The following LARGE1 variants were observed in gnomAD, a reference collection of about 807,000 sequenced individuals.
LARGE1 encodes the protein LARGE xylosyl- and glucuronyltransferase 1, also known as xylosyl- and glucuronyltransferase LARGE1.
In LARGE1, 43 loss-of-function variants were observed where a neutral mutation model predicts 87.6. The observed-to-expected ratio is 0.49, with a 90% confidence interval of 0.38 to 0.63. The LOEUF is 0.63. Ranked by LOEUF, LARGE1 falls within the 30% of genes least tolerant of loss-of-function variation. The probability of loss-of-function intolerance (pLI) is 0.00; values close to 1 mark genes in which losing one functional copy is unlikely to be tolerated. For synonymous variants in LARGE1, 434 were observed against 394.6 expected (o/e 1.10, Z -1.18); for missense variants, 802 against 1,000.2 (o/e 0.80, Z 2.67).
At chr22:33,780,911 G>A (rs764526059) in intron 1 of LARGE1, among the ~76,000 whole-genome samples, 1 of 152,198 alleles carries the variant, frequency 6.6e-6, no homozygotes, top group Non-Finnish European at 1.5e-5. Context: ...GTAGCACATA[G>A]AGTAAACACT....
intron 8 of LARGE1, 40 bp from the exon 9 acceptor site, chr22:33,382,084 A>T: frequency 6.2e-7 from 1 of 1,612,984 alleles, no homozygotes; most frequent in Non-Finnish European, 8.5e-7. Flanking sequence ...AGACAGTCGG[A>T]TGGTCCAGCT....
At chr22:33,100,883 A>G in the LARGE1 span, among the ~76,000 whole-genome samples, 1 of 146,770 alleles carries the variant, frequency 6.8e-6, no homozygotes, top group Non-Finnish European at 1.5e-5. Context: ...CTTGTTGCCC[A>G]GGCTGGAGTG....
chr22:33,320,462 G>T (rs974351538), intron 10 of LARGE1, among the ~76,000 whole-genome samples: 4 of 152,154 alleles, frequency 2.6e-5, no homozygotes, highest in Non-Finnish European at 4.4e-5. Context: ...CACTCAGTTC[G>T]TAACTCCATT....
chr22:33,774,526 T>C (rs1385703269), intron 1 of LARGE1, among the ~76,000 whole-genome samples: 1 of 150,984 alleles, frequency 6.6e-6, no homozygotes, highest in Non-Finnish European at 1.5e-5. Context: ...CCAGCTAATT[T>C]TTGTATTTTT....
chr22:33,869,153 C>G (rs1181675253), intron 1 of LARGE1, among the ~76,000 whole-genome samples: 1 of 152,156 alleles, frequency 6.6e-6, no homozygotes, highest in Non-Finnish European at 1.5e-5. Flanking sequence ...CTGGCCCTCT[C>G]TTACCCTTGG....
At chr22:33,360,244 T>C (rs1225833890) in intron 9 of LARGE1, among the ~76,000 whole-genome samples, 1 of 148,186 alleles carries the variant, frequency 6.7e-6, no homozygotes, top group Non-Finnish European at 1.5e-5. Flanking sequence ...ACCTGGGAGG[T>C]GGAGGTTGCA....
At position 33,382,013 on chromosome 22, in the gene LARGE1, G is replaced by T. The variant is rs981996548; in HGVS notation, c.1037C>A (p.Pro346His). The T allele has an allele frequency of 6.2e-7, 1 of 1,614,146 alleles. No individual in the cohort carries two copies. The highest frequency in any genetic ancestry group is 8.5e-7 in the Non-Finnish European group (1 of 1,180,014). ...GCAGGGGAGCTGGTACACAAGGAAGGGGTTTTGTTTGATGACGGCATTGAA... is the reference window on the plus strand; with the variant it reads ...GCAGGGGAGCTGGTACACAAGGAAGTGGTTTTGTTTGATGACGGCATTGAA... Reference protein sequence around the residue: ...DIFNAVIKQNPFLVYQLPCFW... With the variant: ...DIFNAVIKQNHFLVYQLPCFW... The change falls in exon 9 of 15, where the codon CCC (proline) becomes CAC (histidine). Residue 346 changes from proline (P) to histidine (H), a missense_variant. Pro to His is a moderately conservative substitution (Grantham distance 77). Around this residue, in one of 2 missense-constraint regions of LARGE1, gnomAD observed 625 missense variants for 841.9 expected, o/e 0.74. Coordinates refer to ENST00000397394, the MANE Select transcript of LARGE1 (RefSeq NM_133642.5).
intron 2 of LARGE1, among the ~76,000 whole-genome samples, chr22:33,721,679 G>T (rs192482585): frequency 6.6e-6 from 1 of 152,120 alleles, no homozygotes; most frequent in African/African-American, 2.4e-5. Flanking sequence ...TGCATGTGCG[G>T]CTCCTTAAAA....
chr22:33,157,576 T>TCTGCATAAAA (rs760611086), downstream of LARGE1, among the ~76,000 whole-genome samples: 137 of 152,302 alleles, frequency 9.0e-4, no homozygotes, highest in Middle Eastern at 3.4e-3. Context: ...TTGTCTTACC[T>TCTGCATAAAA]CTGCATAAAA....
chr22:33,183,983 T>C (rs1205908683), intron 11 of LARGE1, among the ~76,000 whole-genome samples: 11 of 151,026 alleles, frequency 7.3e-5, no homozygotes, highest in African/African-American at 2.4e-4. Flanking sequence ...CAAAATTTGA[T>C]AAGAGAGCAG....
intron 11 of LARGE1, among the ~76,000 whole-genome samples, chr22:33,180,796 T>C (rs559365582): frequency 3.3e-5 from 5 of 152,254 alleles, no homozygotes; most frequent in African/African-American, 1.2e-4. Flanking sequence ...TTGAAAACAT[T>C]GTTCTAAATG....
chr22:33,394,125 G>T (rs912459335), intron 7 of LARGE1, among the ~76,000 whole-genome samples: 1 of 147,864 alleles, frequency 6.8e-6, no homozygotes, highest in Non-Finnish European at 1.5e-5. Flanking sequence ...TGACAATGAT[G>T]ATAATACCTA....
At chr22:33,362,578 G>A (rs1278592349) in intron 9 of LARGE1, among the ~76,000 whole-genome samples, 2 of 149,952 alleles carry the variant, frequency 1.3e-5, no homozygotes, top group Non-Finnish European at 3.0e-5. Flanking sequence ...GATGTCAGAG[G>A]ATGTCTGTTC....
intron 7 of LARGE1, among the ~76,000 whole-genome samples, chr22:33,424,270 G>T (rs8138344): frequency 0.45 from 68,084 of 151,988 alleles, 15,647 homozygotes; most frequent in Non-Finnish European, 0.48. Context: ...TTCAATTGTT[G>T]GATAATGGCC....
chr22:33,501,098 T>C (rs2070408417), intron 6 of LARGE1, among the ~76,000 whole-genome samples: 1 of 152,116 alleles, frequency 6.6e-6, no homozygotes, highest in South Asian at 2.1e-4. Context: ...AGGGTGACAC[T>C]TCAAAGAAGC....
intron 11 of LARGE1, among the ~76,000 whole-genome samples, chr22:33,308,715 C>T (rs1292745338): frequency 2.6e-5 from 4 of 152,144 alleles, no homozygotes; most frequent in Non-Finnish European, 4.4e-5. Flanking sequence ...GACAAACCCC[C>T]GAAAAGCTAC....
intron 7 of LARGE1, among the ~76,000 whole-genome samples, chr22:33,411,802 A>T (rs2066312976): frequency 1.3e-5 from 2 of 152,254 alleles, no homozygotes; most frequent in African/African-American, 4.8e-5. Flanking sequence ...AAAACTATGC[A>T]GTTCTTAACA....
chr22:33,415,111 G>C (rs907934664), intron 7 of LARGE1, among the ~76,000 whole-genome samples: 1 of 152,184 alleles, frequency 6.6e-6, no homozygotes, highest in Admixed American at 6.5e-5. Flanking sequence ...GAGCAATAAA[G>C]GGCAAGTCAG....
chr22:33,630,580 A>G (rs2080076608), intron 3 of LARGE1, among the ~76,000 whole-genome samples: 1 of 152,172 alleles, frequency 6.6e-6, no homozygotes, highest in African/African-American at 2.4e-5. Context: ...AAAGTACAGT[A>G]AAAATATAAT....
Sources: gnomAD v4.1 joint callset for allele counts (sites outside exome capture counted in the v4.1 genomes callset) on GRCh38, gnomAD v4.1.1 for gene constraint, gnomAD v4.1.1 regional missense constraint, MANE v1.5 for transcripts, NCBI Gene and HGNC (gene_info 2026-07-23, HGNC 2026-07-21) for gene names.